RASSF4: variants seen among roughly 807,000 people sequenced by gnomAD.
RASSF4 encodes the protein Ras association domain family member 4, also known as ras association domain-containing protein 4.
A neutral mutation model predicts 41.1 loss-of-function variants in RASSF4; 38 were observed. The ratio of observed to expected loss-of-function variants is 0.92; its 90% confidence interval spans 0.71 to 1.21. RASSF4 has a LOEUF of 1.21. Ranked by LOEUF, RASSF4 falls within the 50% of genes most tolerant of loss-of-function variation. The pLI is 0.00. For missense variants in RASSF4, 414 were observed against 419.4 expected, an observed-to-expected ratio of 0.99 and a Z score of 0.11; for synonymous variants, 179 against 163.4, an observed-to-expected ratio of 1.10 and a Z score of -0.73.
rs997690962 is a variant in RASSF4, at chr10:44,995,453, G to T, written c.*2124G>T. 6.6e-6 allele frequency: 1 copy of T among 152,260 alleles called. No homozygotes were observed. Among genetic ancestry groups the T allele is most frequent in the African/African-American group, 2.4e-5 (1 of 41,474 alleles). 9.4% of individuals were successfully genotyped at this position (152,260 alleles called of 1,614,324 possible). A position where few individuals can be genotyped will look rare whatever the true frequency, so the allele number is the denominator to read the frequency against. On this transcript the variant is annotated 3_prime_UTR_variant, in exon 11 of 11. Transcript: ENST00000340258. ...CACACAGGAAGCCAGTGGAGCAGGA[G>T]ACCCTCCCTAAGTACCAGCCTGTTT...
chr10:44,983,694 C>T (rs958031899), intron 4 of RASSF4: 37 of 287,594 alleles, frequency 1.3e-4, no homozygotes, highest in Admixed American at 1.5e-4. Context: ...GTTTGGCACA[C>T]AGCTGCTGGC....
At chr10:44,985,724 C>G (rs1329832489) in intron 6 of RASSF4, among the ~76,000 whole-genome samples, 5 of 152,152 alleles carry the variant, frequency 3.3e-5, no homozygotes, top group Non-Finnish European at 7.4e-5. Flanking sequence ...GTTAGGCTAT[C>G]CAGGGGCCAT....
rs868122938 is a variant in RASSF4, at chr10:44,982,624, C to T, written c.242C>T (p.Pro81Leu). The T allele has an allele frequency of 1.2e-6, 2 of 1,613,316 alleles. No individual in the cohort carries two copies. The highest frequency in any genetic ancestry group is 1.7e-6 in the Non-Finnish European group (2 of 1,179,588). ...MQDDREQVHLPSTSWMPRRPS... is the reference protein window; with the variant it reads ...MQDDREQVHLLSTSWMPRRPS... ...GATGACCGGGAGCAGGTGCACCTCC[C>T]CTCCACCTCATGGATGCCCAGACGG... Residue 81 changes from proline (P) to leucine (L), a missense_variant, in exon 4 of 11, where the codon CCC becomes CTC. Transcript: ENST00000340258.
At chr10:44,973,573 C>T (rs918566359) in intron 3 of RASSF4, among the ~76,000 whole-genome samples, 2 of 152,236 alleles carry the variant, frequency 1.3e-5, no homozygotes, top group African/African-American at 4.8e-5. Context: ...CCACGCCCCT[C>T]TCCCAGCCTG....
intron 1 of RASSF4, among the ~76,000 whole-genome samples, chr10:44,967,824 G>A (rs1385519864): frequency 6.6e-6 from 1 of 152,176 alleles, no homozygotes; most frequent in Admixed American, 6.5e-5. Flanking sequence ...CAAGAGCTGG[G>A]TTCTGCAGGG....
intron 2 of RASSF4, 165 bp downstream of exon 2, chr10:44,970,429 G>C (rs1469054311): frequency 3.3e-6 from 2 of 610,938 alleles, no homozygotes; most frequent in Non-Finnish European, 5.8e-6. Flanking sequence ...TCCAATAGGG[G>C]ATCCCCAAGC....
chr10:44,977,625 G>GC (rs777781340), intron 3 of RASSF4: 4 of 1,613,146 alleles, frequency 2.5e-6, no homozygotes, highest in Non-Finnish European at 2.5e-6. Flanking sequence ...ATCTGTCTAT[G>GC]TGGACCCCAG....
chr10:44,977,717 A>T (rs200784305), intron 3 of RASSF4: 5 of 1,611,686 alleles, frequency 3.1e-6, no homozygotes, highest in Non-Finnish European at 4.2e-6. Flanking sequence ...AAGCCAGTCC[A>T]GGGGGTCCAC....
chr10:44,970,581 T>C (rs1588798349), intron 2 of RASSF4: 2 of 309,510 alleles, frequency 6.5e-6, no homozygotes, highest in South Asian at 2.0e-4. Flanking sequence ...TTAGATATAT[T>C]GAGTTCAATA....
intron 5 of RASSF4, 164 bp from the exon 6 acceptor site, chr10:44,984,649 G>C (rs778135893): frequency 3.6e-5 from 28 of 779,708 alleles, no homozygotes; most frequent in Non-Finnish European, 5.7e-5. Context: ...CTTCCTATCT[G>C]CAAGCTGGGA....
At position 44,982,575 on chromosome 10, in the gene RASSF4, C is replaced by T; in HGVS notation, c.193C>T (p.Arg65Trp). 4 of 1,612,472 alleles carry T rather than the reference C, an allele frequency of 2.5e-6. No homozygotes were observed. Among genetic ancestry groups the T allele is most frequent in the African/African-American group, 1.3e-5 (1 of 74,948 alleles). ...GLLNIAWGLR[R>W]PIRLQMQDDR... is the part of the protein sequence containing the mutation. The stretch of plus-strand genomic sequence containing the variant: ...CCTCAACATTGCCTGGGGGCTGAGG[C>T]GGCCCATCCGGCTGCAGATGCAGGA... The change falls in exon 4 of 11, where the codon CGG becomes TGG. Residue 65 changes from arginine to tryptophan, a missense_variant. Physicochemically the swap from Arg to Trp is moderately radical, Grantham distance 101. Transcript: ENST00000340258.
intron 1 of RASSF4, among the ~76,000 whole-genome samples, chr10:44,964,022 G>C (rs1458554500): frequency 6.6e-6 from 1 of 152,226 alleles, no homozygotes; most frequent in Non-Finnish European, 1.5e-5. Flanking sequence ...TTGGGCCCCG[G>C]GGGTGACTGA....
intron 5 of RASSF4, chr10:44,984,499 A>C (rs1841842513): frequency 2.0e-6 from 1 of 498,020 alleles, no homozygotes; most frequent in East Asian, 3.3e-5. Flanking sequence ...TTTAGCCCTC[A>C]GTGAAGGGCC....
At chr10:44,968,214 T>C (rs953021571) in intron 1 of RASSF4, among the ~76,000 whole-genome samples, 2 of 152,170 alleles carry the variant, frequency 1.3e-5, no homozygotes. Flanking sequence ...GAAACCCAGT[T>C]CCATGGCTCA....
chr10:44,992,057 A>C, intron 10 of RASSF4, 55 bp downstream of exon 10: 1 of 1,180,298 alleles, frequency 8.5e-7, no homozygotes, highest in Non-Finnish European at 1.3e-6. Context: ...GCAGGTCTGC[A>C]AAGCACAGCA....
At position 44,986,014 on chromosome 10, in the gene RASSF4, G is replaced by C. The variant is rs546432646; in HGVS notation, c.531+1044G>C. Among the ~76,000 whole-genome samples the C allele has an allele frequency of 1.1e-4, 16 of 151,966 alleles. No individual in the cohort carries two copies. The South Asian group carries it at 3.3e-3, about 32-fold the overall frequency. On this transcript the variant is annotated intron_variant, in intron 6 of 10. Coordinates refer to ENST00000340258, the MANE Select transcript of RASSF4 (RefSeq NM_032023.4). The stretch of plus-strand genomic sequence containing the variant: ...AGCCCAAGGACACATGACATGACTT[G>C]AGTATTCTTTAAATCTTGTTCCAAA...
At chr10:44,967,751 T>C (rs190579224) in intron 1 of RASSF4, among the ~76,000 whole-genome samples, 4 of 152,250 alleles carry the variant, frequency 2.6e-5, no homozygotes, top group East Asian at 1.9e-4. Context: ...TGGAAACTAG[T>C]GGTAAAGCAC....
At chr10:44,962,130 C>A (rs1270460134) in intron 1 of RASSF4, among the ~76,000 whole-genome samples, 1 of 152,188 alleles carries the variant, frequency 6.6e-6, no homozygotes, top group Admixed American at 6.5e-5. Flanking sequence ...TATCAGCTGC[C>A]ACAACAGCTC....
At chr10:44,989,925 A>C (rs1377404450) in intron 8 of RASSF4, among the ~76,000 whole-genome samples, 2 of 152,258 alleles carry the variant, frequency 1.3e-5, no homozygotes, top group Non-Finnish European at 2.9e-5. Flanking sequence ...CCTTGAGGAA[A>C]AGAAAACATA....
Sources: gnomAD v4.1 joint callset for allele counts (sites outside exome capture counted in the v4.1 genomes callset) on GRCh38, gnomAD v4.1.1 for gene constraint, MANE v1.5 for transcripts, NCBI Gene and HGNC (gene_info 2026-07-23, HGNC 2026-07-21) for gene names.